The following SMG7 variants were observed in gnomAD, a reference collection of about 807,000 sequenced individuals.
SMG7 encodes nonsense-mediated mRNA decay factor SMG7.
In SMG7, 34 loss-of-function variants were observed where a neutral mutation model predicts 148.2. The ratio of observed to expected loss-of-function variants is 0.23; its 90% CI spans 0.17 to 0.31. The LOEUF (loss-of-function observed/expected upper bound fraction) is 0.31. Ranked by LOEUF, SMG7 falls within the 10% of genes least tolerant of loss-of-function variation. SMG7 has a pLI of 1.00. For synonymous variants in SMG7, 492 were observed against 515.1 expected (o/e 0.96, Z 0.61); for missense variants, 1,114 against 1,408.4 (o/e 0.79, Z 3.35).
chr1:183,494,755 T>C (rs1571830857), intron 1 of SMG7, among the ~76,000 whole-genome samples: 1 of 130,006 alleles, frequency 7.7e-6, no homozygotes, highest in African/African-American at 2.7e-5. Context: ...TAGCCCTTGT[T>C]CTTTTTTTTT....
chr1:183,482,202 C>CTCAT lies in SMG7; in HGVS notation c.29+9556_29+9559dup, dbSNP rs1381615324. Among the ~76,000 whole-genome samples, 10 of 151,330 alleles carry CTCAT rather than the reference C, an allele frequency of 6.6e-5. No homozygotes were observed. The East Asian group carries it at 1.9e-3, about 29-fold the overall frequency. The stretch of plus-strand genomic sequence containing the variant: ...ATTAGAGATTTTGATTAGTCCATAT[C>CTCAT]TCATTCTGCATTTTTTTGTGTGGGG... On this transcript the variant is annotated intron_variant, in intron 1 of 22. Coordinates refer to ENST00000688051, the MANE Select transcript of SMG7 (RefSeq NM_001375584.1).
chr1:183,541,142 C>T (rs750739567), intron 13 of SMG7, 39 bp downstream of exon 13: 4 of 1,599,638 alleles, frequency 2.5e-6, no homozygotes, highest in Admixed American at 1.7e-5. Context: ...TTTTAACCAC[C>T]TTTTTAGATA....
chr1:183,547,302 T>A (rs1234986566), intron 18 of SMG7, 50 bp downstream of exon 18: 1 of 1,488,606 alleles, frequency 6.7e-7, no homozygotes, highest in South Asian at 1.3e-5. Flanking sequence ...CAGCTGCTTC[T>A]CTGAGATACT....
At chr1:183,524,458 A>G (rs1407040276) in intron 4 of SMG7, among the ~76,000 whole-genome samples, 1 of 152,106 alleles carries the variant, frequency 6.6e-6, no homozygotes, top group African/African-American at 2.4e-5. Flanking sequence ...TTTCTTGCCC[A>G]TTACAAATGT....
At chr1:183,495,161 AT>A (rs1036355706) in intron 1 of SMG7, among the ~76,000 whole-genome samples, 1 of 151,410 alleles carries the variant, frequency 6.6e-6, no homozygotes, top group Non-Finnish European at 1.5e-5. Flanking sequence ...ATATATATAT[AT>A]TTTTTTCTCT....
intron 1 of SMG7, among the ~76,000 whole-genome samples, chr1:183,494,988 C>T (rs1658122360): frequency 6.6e-6 from 1 of 151,610 alleles, no homozygotes. Context: ...GCCACCATGC[C>T]CAGCTAATTT....
rs895384135 is a variant in SMG7 at position 183,552,968 on chromosome 1, C to T, written c.*1037C>T. On this transcript the variant is annotated 3_prime_UTR_variant, in exon 23 of 23. Transcript: ENST00000688051. ...ATTCCTAATGTGTGCAACATCACAT[C>T]TCCCCAAGAAGCAACAGCATGGGGT... 2.0e-6 allele frequency: 3 copies of T among 1,535,742 alleles called. No individual in the cohort carries two copies. Among genetic ancestry groups the T allele is most frequent in the Non-Finnish European group, 2.6e-6 (3 of 1,146,546 alleles).
chr1:183,483,480 T>C (rs1654663713), intron 1 of SMG7, among the ~76,000 whole-genome samples: 1 of 152,160 alleles, frequency 6.6e-6, no homozygotes, highest in Non-Finnish European at 1.5e-5. Flanking sequence ...TAAAGACTGC[T>C]TACTTGAAAT....
chr1:183,502,200 G>T, intron 1 of SMG7: 2 of 1,164,048 alleles, frequency 1.7e-6, no homozygotes, highest in Non-Finnish European at 2.2e-6. Flanking sequence ...TTCTTCATAG[G>T]GGTTCTCTGT....
chr1:183,528,789 A>C, intron 6 of SMG7, 103 bp from the exon 7 acceptor site: 1 of 1,030,108 alleles, frequency 9.7e-7, no homozygotes. Context: ...CCTTATAAAA[A>C]TACTCCCCAT....
At chr1:183,520,502 T>G (rs1343893805) in intron 4 of SMG7, among the ~76,000 whole-genome samples, 1 of 152,178 alleles carries the variant, frequency 6.6e-6, no homozygotes, top group Non-Finnish European at 1.5e-5. Context: ...CTTAGTTTTG[T>G]TTCTGATTCA....
chr1:183,481,457 G>A (rs1310959984), intron 1 of SMG7, among the ~76,000 whole-genome samples: 2 of 152,046 alleles, frequency 1.3e-5, no homozygotes, highest in African/African-American at 2.4e-5. Flanking sequence ...TTTTTTATAT[G>A]TGACTTATCT....
chr1:183,540,811 G>C (rs138640696), intron 12 of SMG7, among the ~76,000 whole-genome samples, 173 bp from the exon 13 acceptor site: 125 of 152,282 alleles, frequency 8.2e-4, no homozygotes, highest in African/African-American at 2.9e-3. Flanking sequence ...TTGTTTCATA[G>C]TTTGTAAAAA....
At chr1:183,508,052 G>A (rs1661314978) in intron 1 of SMG7, 2 of 327,246 alleles carry the variant, frequency 6.1e-6, no homozygotes, top group Admixed American at 6.5e-5. Context: ...GAATTAAAAG[G>A]AATTCATGTT....
chr1:183,493,381 T>C (rs1253441639), intron 1 of SMG7, among the ~76,000 whole-genome samples: 1 of 152,242 alleles, frequency 6.6e-6, no homozygotes, highest in Non-Finnish European at 1.5e-5. Context: ...TATATATATT[T>C]TTAAATTTGT....
chr1:183,550,390 AT>A (rs1166665312), intron 20 of SMG7, among the ~76,000 whole-genome samples: 1 of 152,164 alleles, frequency 6.6e-6, no homozygotes, highest in African/African-American at 2.4e-5. Flanking sequence ...TAAAATTGAG[AT>A]TTTTAACTTA....
chr1:183,530,813 G>C (rs1666718316), intron 8 of SMG7, among the ~76,000 whole-genome samples: 1 of 152,066 alleles, frequency 6.6e-6, no homozygotes, highest in Non-Finnish European at 1.5e-5. Context: ...AAAACTTCTT[G>C]AGATTGCTTC....
Position 183,529,132 on chromosome 1 carries a change from C to T in SMG7, c.707+90C>T, listed in dbSNP as rs888748786. ...TCATAATTTGGTTTACAGAAAATAA[C>T]GGCCTATGCTTCTCTTATTTCTAAA... On this transcript the variant is annotated intron_variant, in intron 7 of 22. Transcript: ENST00000688051. 32 of 1,219,502 alleles carry T rather than the reference C, an allele frequency of 2.6e-5. 1 individual carries two copies. The Middle Eastern group carries it at 5.9e-4, about 23-fold the overall frequency. 75.5% of individuals were successfully genotyped at this position (1,219,502 alleles called of 1,614,324 possible).
intron 1 of SMG7, among the ~76,000 whole-genome samples, chr1:183,490,568 C>G (rs1656696576): frequency 6.6e-6 from 1 of 152,012 alleles, no homozygotes; most frequent in Non-Finnish European, 1.5e-5. Flanking sequence ...CATTACATTG[C>G]CACCGCTACT....
Sources: allele counts gnomAD v4.1 joint callset (sites outside exome capture counted in the v4.1 genomes callset), GRCh38; gene constraint gnomAD v4.1.1; transcripts MANE v1.5; gene names NCBI Gene and HGNC (gene_info 2026-07-23, HGNC 2026-07-21).